Variants in PADI4 observed in about 807,000 individuals in gnomAD.
PADI4 encodes peptidyl arginine deiminase 4, also known as protein-arginine deiminase type-4.
Under a neutral mutation model 75.0 loss-of-function variants are expected in PADI4, and 62 were observed. The ratio of observed to expected loss-of-function variants is 0.83; its 90% CI spans 0.67 to 1.02. The LOEUF (loss-of-function observed/expected upper bound fraction) is 1.02, where lower values mean the gene tolerates loss of function less well. PADI4 is among the 50% of genes least tolerant of loss of function. The pLI, the probability that PADI4 is intolerant of heterozygous loss-of-function variation, is 0.00. For missense variants in PADI4, 845 were observed against 850.5 expected, an observed-to-expected ratio of 0.99 and a Z score of 0.08; for synonymous variants, 361 against 348.1, an observed-to-expected ratio of 1.04 and a Z score of -0.41.
chr1:17,334,107 A>C (rs1042701700), intron 3 of PADI4, 98 bp downstream of exon 3: 1 of 780,164 alleles, frequency 1.3e-6, no homozygotes, highest in Non-Finnish European at 2.3e-6. Context: ...CCTGGAGCTT[A>C]CTTTAGACTG....
intron 1 of PADI4, 147 bp downstream of exon 1, chr1:17,308,461 C>A (rs918310909): frequency 6.4e-5 from 42 of 651,654 alleles, no homozygotes; most frequent in Non-Finnish European, 4.3e-5. Context: ...AGAGAGAAGA[C>A]CCCAGCAGCC....
chr1:17,314,565 G>A (rs1162491601), intron 1 of PADI4, among the ~76,000 whole-genome samples: 8 of 152,122 alleles, frequency 5.3e-5, no homozygotes, highest in South Asian at 2.1e-4. Flanking sequence ...ACCACATGCC[G>A]GGCCCTCCAA....
intron 8 of PADI4, among the ~76,000 whole-genome samples, chr1:17,345,518 C>T (rs1476736151): frequency 6.6e-6 from 1 of 152,194 alleles, no homozygotes; most frequent in African/African-American, 2.4e-5. Context: ...TTGACATGTA[C>T]TCCCATAATT....
intron 15 of PADI4, 32 bp downstream of exon 15, chr1:17,359,440 T>A (rs2074818354): frequency 6.2e-7 from 1 of 1,613,320 alleles, no homozygotes; most frequent in Admixed American, 1.7e-5. Flanking sequence ...AACCCCAGGG[T>A]GTGGCATGGA....
At chr1:17,354,983 A>T (rs1005955143) in intron 11 of PADI4, among the ~76,000 whole-genome samples, 1 of 152,216 alleles carries the variant, frequency 6.6e-6, no homozygotes, top group African/African-American at 2.4e-5. Flanking sequence ...AGTCCTTACC[A>T]CTACTCTAGT....
chr1:17,340,359 A>G (rs2074395765), intron 6 of PADI4, among the ~76,000 whole-genome samples: 1 of 152,186 alleles, frequency 6.6e-6, no homozygotes, highest in African/African-American at 2.4e-5. Flanking sequence ...GCTATGTAGA[A>G]GAATGCGGCA....
At chr1:17,359,434 C>T (rs923594244) in intron 15 of PADI4, 26 bp downstream of exon 15, 21 of 1,613,612 alleles carry the variant, frequency 1.3e-5, no homozygotes, top group Non-Finnish European at 1.8e-5. Context: ...CTTTAAAACC[C>T]CAGGGTGTGG....
rs1238351260 is a variant in PADI4 at position 17,308,327 on chromosome 1, C to T, written c.92+13C>T. The T allele has an allele frequency of 6.2e-7, 1 of 1,606,502 alleles. No individual in the cohort carries two copies. Among genetic ancestry groups the T allele is most frequent in the Non-Finnish European group, 8.5e-7 (1 of 1,173,370 alleles). The stretch of plus-strand genomic sequence containing the variant: ...TTGACATCTGCAGGTAAGAGGGGGG[C>T]CTTCTGGGGTTTTGGAGGCAGGTCA... On this transcript the variant is annotated intron_variant, in intron 1 of 15. Transcript: ENST00000375448.
In PADI4 at chr1:17,351,969, AGGGAG is replaced by A. The variant is rs1557576166; in HGVS notation, c.1156-2562_1156-2558del. Among the ~76,000 whole-genome samples the A allele has an allele frequency of 3.9e-3, 237 of 60,262 alleles. 11 individuals are homozygous for A. The highest frequency in any genetic ancestry group is 0.032 in the African/African-American group (216 of 6,794). The allele number at this position is 60,262 out of a possible 152,430, so 39.5% of individuals were successfully genotyped here. On this transcript the variant is annotated intron_variant, in intron 10 of 15. Coordinates refer to ENST00000375448, the MANE Select transcript of PADI4 (RefSeq NM_012387.3). ...ATGGGAGGTGGGAGGAGAGGCGGCC[AGGGAG>A]GTGATGGGAGGAGAGGCAGTCAGGG...
intron 8 of PADI4, among the ~76,000 whole-genome samples, chr1:17,345,440 T>C (rs931344947): frequency 6.6e-6 from 1 of 152,122 alleles, no homozygotes; most frequent in Non-Finnish European, 1.5e-5. Flanking sequence ...AATGTGAGGA[T>C]ATAGGATTTG....
chr1:17,363,133 TAG>T (rs944934255), intron 15 of PADI4, among the ~76,000 whole-genome samples: 2 of 149,990 alleles, frequency 1.3e-5, no homozygotes, highest in African/African-American at 4.9e-5. Context: ...ATTTTTGAGG[TAG>T]AGTCTCGCTC....
At chr1:17,329,261 G>A (rs2100697588) in intron 1 of PADI4, among the ~76,000 whole-genome samples, 1 of 150,564 alleles carries the variant, frequency 6.6e-6, no homozygotes, top group South Asian at 2.1e-4. Context: ...AGGAGGCAGA[G>A]CTTGCAGTGA....
rs370215810 is a variant in PADI4, at chr1:17,343,213, AAAATT to A, written c.935+832_935+836del. On this transcript the variant is annotated intron_variant, in intron 8 of 15. Transcript: ENST00000375448. ...AGAAAATTAAAAATAATAAAAATTAAAAATTAAATTAAATTAAATTAAATTTAAAT... is the reference window on the plus strand; with the variant it reads ...AGAAAATTAAAAATAATAAAAATTAAAAATTAAATTAAATTAAATTTAAAT... Among the ~76,000 whole-genome samples the A allele has an allele frequency of 3.0e-4, 46 of 152,222 alleles. 4 individuals carry two copies. The South Asian group carries it at 8.3e-3, about 27-fold the overall frequency.
intron 1 of PADI4, among the ~76,000 whole-genome samples, chr1:17,330,692 C>T (rs887793140): frequency 6.6e-6 from 1 of 152,138 alleles, no homozygotes; most frequent in African/African-American, 2.4e-5. Context: ...GTGATCCCAC[C>T]TCTTCCACCT....
At position 17,354,576 on chromosome 1, in the gene PADI4, G is replaced by A. The variant is rs145686734; in HGVS notation, c.1199G>A (p.Gly400Asp). 1.2e-6 allele frequency: 2 copies of A among 1,614,156 alleles called. No individual in the cohort carries two copies. Among genetic ancestry groups the A allele is most frequent in the African/African-American group, 1.3e-5 (1 of 75,044 alleles). ...GYVTRGPQTG[G>D]ISGLDSFGNL... ...GTAACTCGAGGGCCCCAAACAGGGGGTATCAGTGGACTGGACTCCTTTGGG... is the reference window on the plus strand; with the variant it reads ...GTAACTCGAGGGCCCCAAACAGGGGATATCAGTGGACTGGACTCCTTTGGG... The change falls in exon 11 of 16, where the codon GGT becomes GAT. Residue 400 changes from glycine to aspartate, a missense_variant. Physicochemically the swap from Gly to Asp is moderately conservative, Grantham distance 94. Transcript: ENST00000375448.
rs369719929 is a variant in PADI4 at position 17,324,217 on chromosome 1, G to A, written c.93-6752G>A. On this transcript the variant is annotated intron_variant, in intron 1 of 15. Coordinates refer to ENST00000375448, the MANE Select transcript of PADI4 (RefSeq NM_012387.3). ...CAGTAAGCAGTGTGTTAGAGTTTCT[G>A]TTGAATCGTGTCATTTATAGTGTTA... Among the ~76,000 whole-genome samples the A allele has an allele frequency of 4.9e-3, 663 of 134,382 alleles. 4 individuals are homozygous for A. Among genetic ancestry groups the A allele is most frequent in the Middle Eastern group, 0.014 (3 of 216 alleles). 88.2% of individuals were successfully genotyped at this position (134,382 alleles called of 152,430 possible). A position where few individuals can be genotyped will look rare whatever the true frequency, so the allele number is the denominator to read the frequency against.
At chr1:17,363,265 C>T (rs1009831080) in intron 15 of PADI4, among the ~76,000 whole-genome samples, 3 of 152,188 alleles carry the variant, frequency 2.0e-5, no homozygotes, top group East Asian at 1.9e-4. Context: ...ACCACAGGCA[C>T]GCACCACCAT....
intron 1 of PADI4, among the ~76,000 whole-genome samples, chr1:17,315,582 G>A (rs2073918646): frequency 6.6e-6 from 1 of 151,940 alleles, no homozygotes; most frequent in Non-Finnish European, 1.5e-5. Context: ...CAGCGCAGGA[G>A]CCCCTACATC....
chr1:17,323,199 A>G (rs1445413264), intron 1 of PADI4, among the ~76,000 whole-genome samples: 1 of 152,184 alleles, frequency 6.6e-6, no homozygotes, highest in Non-Finnish European at 1.5e-5. Flanking sequence ...GCCTCTCCAT[A>G]GCTCACAAAA....
Sources: allele counts gnomAD v4.1 joint callset (sites outside exome capture counted in the v4.1 genomes callset), GRCh38; gene constraint gnomAD v4.1.1; transcripts MANE v1.5; gene names NCBI Gene and HGNC (gene_info 2026-07-23, HGNC 2026-07-21).